Variants in SSC4D observed in about 807,000 individuals in gnomAD.
SSC4D encodes the protein scavenger receptor cysteine-rich domain-containing group B protein.
Under a neutral mutation model 63.4 loss-of-function variants are expected in SSC4D, and 57 were observed. That is an observed-to-expected ratio of 0.90 (90% CI 0.73 to 1.12). The LOEUF (loss-of-function observed/expected upper bound fraction) is 1.12. SSC4D is among the 50% of genes most tolerant of loss of function. SSC4D has a pLI of 0.00. For synonymous variants in SSC4D, 352 were observed against 345.4 expected, an observed-to-expected ratio of 1.02 and a Z score of -0.21; for missense variants, 791 against 806.4, an observed-to-expected ratio of 0.98 and a Z score of 0.23.
At chr7:76,404,650 G>T in intron 1 of SSC4D, 145 bp from the exon 2 acceptor site, 1 of 649,662 alleles carries the variant, frequency 1.5e-6, no homozygotes, top group South Asian at 1.9e-5. Flanking sequence ...TAAAAATGAG[G>T]CCGGGTGTGG....
At chr7:76,405,305 A>T (rs58721803) in intron 1 of SSC4D, among the ~76,000 whole-genome samples, 1,279 of 44,940 alleles carry the variant, frequency 0.028, 81 homozygotes, top group African/African-American at 0.064. Context: ...ATATATATAT[A>T]TATATATATA....
rs117671426 is a variant in SSC4D, at chr7:76,394,126, C to A, written c.947-222G>T. 1.2e-3 allele frequency among the ~76,000 whole-genome samples: 180 copies of A among 152,298 alleles called. 1 individual carries two copies. The highest frequency in any genetic ancestry group is 2.2e-3 in the Non-Finnish European group (151 of 68,040). ...TTCTAGGTATTATCCTAACTTCAGG[C>A]CCAGGGATAGTTCCTATCCTAATTC... On this transcript the variant is annotated intron_variant, in intron 7 of 10. Coordinates refer to ENST00000275560, the MANE Select transcript of SSC4D (RefSeq NM_080744.2).
Position 76,393,409 on chromosome 7 carries a change from G to A in SSC4D, c.1329C>T (p.Cys443=). The stretch of plus-strand genomic sequence containing the variant: ...CACCTTCGCTGTCAGCCTCACCTGC[G>A]CAGAGCGCTCCCGCGTCCTCGTGGT... The part of the protein sequence containing the change: ...CGHHEDAGAL[C]AGPEELGLQV... The change falls in exon 9 of 11, where the codon TGC becomes TGT. Residue 443 remains cysteine, a synonymous_variant. Transcript: ENST00000275560. 6.8e-7 allele frequency: 1 copy of A among 1,465,342 alleles called. No individual in the cohort carries two copies. The highest frequency in any genetic ancestry group is 9.0e-7 in the Non-Finnish European group (1 of 1,111,874). 90.8% of individuals were successfully genotyped at this position (1,465,342 alleles called of 1,614,324 possible). A position where few individuals can be genotyped will look rare whatever the true frequency, so the allele number is the denominator to read the frequency against.
At position 76,390,252 on chromosome 7, in the gene SSC4D, C is replaced by A; in HGVS notation, c.1535G>T (p.Arg512Leu). The A allele has an allele frequency of 6.2e-7, 1 of 1,613,942 alleles. No homozygotes were observed. The highest frequency in any genetic ancestry group is 1.1e-5 in the South Asian group (1 of 91,052). Residue 512 changes from arginine (R) to leucine (L), a missense_variant, in exon 11 of 11, where the codon CGC becomes CTC. Arg to Leu is a moderately radical substitution (Grantham distance 102, BLOSUM62 -2). Coordinates refer to ENST00000275560, the MANE Select transcript of SSC4D (RefSeq NM_080744.2). ...WDLRAAGVLC[R>L]QLGCGQALAA... ...GAGGGCCTGGCCACAGCCCAGCTGG[C>A]GGCACAGGACACCGGCTGCCCGCAG...
chr7:76,401,427 T>G (rs1804825733), intron 2 of SSC4D, among the ~76,000 whole-genome samples: 1 of 152,122 alleles, frequency 6.6e-6, no homozygotes, highest in Admixed American at 6.6e-5. Context: ...TTTTCTTTTC[T>G]TTTTTTGAGA....
At chr7:76,401,100 C>T in intron 2 of SSC4D, 57 bp from the exon 3 acceptor site, 2 of 1,484,888 alleles carry the variant, frequency 1.3e-6, no homozygotes, top group South Asian at 2.7e-5. Flanking sequence ...GCTCCCTGGT[C>T]CCAGGAACAC....
chr7:76,395,419 G>A, intron 6 of SSC4D, 89 bp from the exon 7 acceptor site: 2 of 1,337,366 alleles, frequency 1.5e-6, no homozygotes, highest in Admixed American at 1.9e-5. Flanking sequence ...AGGAGGGTCT[G>A]CCTGGAGGAG....
In SSC4D at chr7:76,395,261, T is replaced by C; in HGVS notation, c.938A>G (p.Asp313Gly). The change falls in exon 7 of 11, where the codon GAT becomes GGT. Residue 313 changes from aspartate (D) to glycine (G), a missense_variant. By Grantham distance (94) the Asp-to-Gly change is moderately conservative. Transcript: ENST00000275560. ...AGGGCTGAGCTCTTTACCGGACGGA[T>C]CTGTCTGCCAAGCCCAGTCCTCTCT... is the stretch of plus-strand genomic sequence containing the variant. ...ATREDWAWQT[D>G]PSATGVGPQP... The C allele has an allele frequency of 1.2e-6, 2 of 1,613,824 alleles. No homozygotes were observed. Among genetic ancestry groups the C allele is most frequent in the East Asian group, 2.2e-5 (1 of 44,874 alleles).
chr7:76,393,370 C>CCCGCTGTCAGCCTCACCT (rs1346094699), intron 9 of SSC4D, 35 bp downstream of exon 9: 2 of 1,333,332 alleles, frequency 1.5e-6, no homozygotes, highest in Non-Finnish European at 1.9e-6. Context: ...AGTGCGCGGC[C>CCCGCTGTCAGCCTCACCT]CCGCTGTCAG....
chr7:76,391,845 G>C (rs1584015100), intron 10 of SSC4D, 119 bp downstream of exon 10: 7 of 1,049,468 alleles, frequency 6.7e-6, no homozygotes, highest in Non-Finnish European at 1.0e-5. Context: ...AAAAGGACAA[G>C]ACTTCCAGGT....
At chr7:76,391,537 G>A (rs993145747) in intron 10 of SSC4D, among the ~76,000 whole-genome samples, 9 of 152,110 alleles carry the variant, frequency 5.9e-5, no homozygotes, top group African/African-American at 2.2e-4. Context: ...CGTGTACTGG[G>A]TGCTTCATGT....
chr7:76,397,713 C>T lies in SSC4D; in HGVS notation c.673G>A (p.Val225Met). The change falls in exon 6 of 11, where the codon GTG becomes ATG. Residue 225 changes from valine (V) to methionine (M), a missense_variant. By Grantham distance (21) the Val-to-Met change is conservative (BLOSUM62 1). Transcript: ENST00000275560. ...CCGCAGCCCAGCTGACGACAGACCA[C>T]AGCGGCATCCGGCAGCCCCCAGTCG... ...DDDWGLPDAA[V>M]VCRQLGCGAA... 6.2e-7 allele frequency: 1 copy of T among 1,613,416 alleles called. No individual in the cohort carries two copies. The highest frequency in any genetic ancestry group is 1.1e-5 in the South Asian group (1 of 91,068).
chr7:76,389,905 C>A lies in SSC4D; in HGVS notation c.*154G>T. The A allele has an allele frequency of 1.1e-6, 1 of 942,644 alleles. No individual in the cohort carries two copies. Among genetic ancestry groups the A allele is most frequent in the Non-Finnish European group, 1.6e-6 (1 of 635,842 alleles). The allele number at this position is 942,644 out of a possible 1,614,324, so 58.4% of individuals were successfully genotyped here. The stretch of plus-strand genomic sequence containing the variant: ...AGTGGACGGGGGTACAGCCAGGCTC[C>A]CCCAAGCAGGACTGCACTGTCTAGG... On this transcript the variant is annotated 3_prime_UTR_variant, in exon 11 of 11. Transcript: ENST00000275560.
chr7:76,399,695 T>C (rs1439034362), intron 4 of SSC4D, among the ~76,000 whole-genome samples: 1 of 151,964 alleles, frequency 6.6e-6, no homozygotes, highest in African/African-American at 2.4e-5. Flanking sequence ...CCTTGCTAAT[T>C]TTTCTGATTT....
chr7:76,406,842 G>T (rs1293313591), intron 1 of SSC4D, among the ~76,000 whole-genome samples: 4 of 151,616 alleles, frequency 2.6e-5, no homozygotes, highest in African/African-American at 9.7e-5. Context: ...ATTGTAAGCA[G>T]CGTTTAGTCT....
chr7:76,395,403 G>T, intron 6 of SSC4D, 73 bp from the exon 7 acceptor site: 1 of 1,468,270 alleles, frequency 6.8e-7, no homozygotes, highest in Non-Finnish European at 9.5e-7. Flanking sequence ...GCTGTCAGGG[G>T]AGGATAGGAG....
chr7:76,391,940 T>C, intron 10 of SSC4D, 24 bp downstream of exon 10: 3 of 1,578,422 alleles, frequency 1.9e-6, no homozygotes, highest in Non-Finnish European at 2.6e-6. Flanking sequence ...CTCCACCCAC[T>C]TTCAGGGGAT....
intron 6 of SSC4D, among the ~76,000 whole-genome samples, chr7:76,397,056 G>A (rs531491816): frequency 2.6e-5 from 4 of 152,224 alleles, no homozygotes; most frequent in Admixed American, 1.3e-4. Context: ...TAGAATTCTC[G>A]AGTATTGGTG....
At chr7:76,404,083 A>C (rs1379339298) in intron 2 of SSC4D, among the ~76,000 whole-genome samples, 2 of 151,996 alleles carry the variant, frequency 1.3e-5, no homozygotes, top group Non-Finnish European at 2.9e-5. Context: ...AGTGTCCCCT[A>C]ACTGCCCATT....
Sources: allele counts gnomAD v4.1 joint callset (sites outside exome capture counted in the v4.1 genomes callset), GRCh38; gene constraint gnomAD v4.1.1; transcripts MANE v1.5; gene names NCBI Gene and HGNC (gene_info 2026-07-23, HGNC 2026-07-21).